The following PSMB7 variants were observed in gnomAD, a reference collection of about 807,000 sequenced individuals.
PSMB7 encodes proteasome subunit beta type-7.
Under a neutral mutation model 28.1 loss-of-function variants are expected in PSMB7, and 5 were observed. The ratio of observed to expected loss-of-function variants is 0.18; its 90% confidence interval spans 0.09 to 0.37. The LOEUF is 0.37. Ranked by LOEUF, PSMB7 falls within the 10% of genes least tolerant of loss-of-function variation. The probability of loss-of-function intolerance (pLI) is 1.00; values close to 1 mark genes in which losing one functional copy is unlikely to be tolerated. For synonymous variants in PSMB7, 122 were observed against 123.7 expected (o/e 0.99, Z 0.09); for missense variants, 275 against 346.2 (o/e 0.79, Z 1.63).
chr9:124,353,497 G>T lies in PSMB7; in HGVS notation c.*101C>A. 1 of 933,846 alleles carries T rather than the reference G, an allele frequency of 1.1e-6. No homozygotes were observed. Among genetic ancestry groups the T allele is most frequent in the Non-Finnish European group, 1.7e-6 (1 of 590,002 alleles). 57.8% of individuals were successfully genotyped at this position (933,846 alleles called of 1,614,324 possible). ...CCCAATTTGGTTTTTGTTTTTTATTGAGTTGAGTTTCATTCGGCAAACACT... is the reference window on the plus strand; with the variant it reads ...CCCAATTTGGTTTTTGTTTTTTATTTAGTTGAGTTTCATTCGGCAAACACT... On this transcript the variant is annotated 3_prime_UTR_variant, in exon 8 of 8. Coordinates refer to ENST00000259457, the MANE Select transcript of PSMB7 (RefSeq NM_002799.4).
intron 3 of PSMB7, 124 bp from the exon 4 acceptor site, chr9:124,412,616 G>A (rs904088848): frequency 2.0e-5 from 19 of 934,858 alleles, no homozygotes; most frequent in Non-Finnish European, 3.0e-5. Flanking sequence ...GTATATCTAT[G>A]CTGTAACTTC....
chr9:124,374,071 T>G (rs1429548942), intron 6 of PSMB7, among the ~76,000 whole-genome samples: 1 of 152,062 alleles, frequency 6.6e-6, no homozygotes, highest in Non-Finnish European at 1.5e-5. Flanking sequence ...CAAAAAGAAA[T>G]AAAATACTGA....
chr9:124,375,688 T>C (rs944133715), intron 6 of PSMB7, among the ~76,000 whole-genome samples: 2 of 152,152 alleles, frequency 1.3e-5, no homozygotes, highest in African/African-American at 4.8e-5. Context: ...AAGAAAATCA[T>C]TGTTTATAAT....
intron 4 of PSMB7, among the ~76,000 whole-genome samples, chr9:124,408,206 C>T (rs1830988202): frequency 6.6e-6 from 1 of 152,072 alleles, no homozygotes; most frequent in Non-Finnish European, 1.5e-5. Context: ...TAAAATTTAA[C>T]AACCATGCTG....
intron 5 of PSMB7, among the ~76,000 whole-genome samples, chr9:124,391,099 A>G (rs1830782812): frequency 6.6e-6 from 1 of 152,256 alleles, no homozygotes; most frequent in African/African-American, 2.4e-5. Flanking sequence ...TGGCAAACAC[A>G]GCACTGAACA....
chr9:124,356,277 TA>T lies in PSMB7; in HGVS notation c.722+486del, dbSNP rs1485994606. ...TGAGCCGAGGGGCCCACTCGGCATG[TA>T]GGCTCAGGCTCAATGGCACAACTCC... is the stretch of plus-strand genomic sequence containing the variant. On this transcript the variant is annotated intron_variant, in intron 7 of 7. Coordinates refer to ENST00000259457, the MANE Select transcript of PSMB7 (RefSeq NM_002799.4). The surrounding 1 kb of genome is among the most constrained non-coding windows in gnomAD (Gnocchi z 4.4). Among the ~76,000 whole-genome samples, 1 of 152,144 alleles carries T rather than the reference TA, an allele frequency of 6.6e-6. No homozygotes were observed. The highest frequency in any genetic ancestry group is 6.5e-5 in the Admixed American group (1 of 15,280).
At chr9:124,396,200 T>A (rs1218963383) in intron 5 of PSMB7, among the ~76,000 whole-genome samples, 1 of 152,236 alleles carries the variant, frequency 6.6e-6, no homozygotes, top group Non-Finnish European at 1.5e-5. Context: ...AATTTGATCC[T>A]GTGCAGGACA....
At chr9:124,362,156 A>G (rs1466406353) in intron 6 of PSMB7, among the ~76,000 whole-genome samples, 1 of 152,276 alleles carries the variant, frequency 6.6e-6, no homozygotes, top group Admixed American at 6.5e-5. Flanking sequence ...AAGTTCATGT[A>G]TATGGCAAGT....
intron 3 of PSMB7, among the ~76,000 whole-genome samples, chr9:124,412,794 G>C (rs116858894): frequency 0.012 from 1,891 of 152,238 alleles, 14 homozygotes; most frequent in Non-Finnish European, 0.02. Flanking sequence ...AGAAGTGCCA[G>C]GTGTGTTAAC....
At chr9:124,402,891 C>T (rs534470774) in intron 5 of PSMB7, among the ~76,000 whole-genome samples, 1 of 152,210 alleles carries the variant, frequency 6.6e-6, no homozygotes, top group African/African-American at 2.4e-5. Flanking sequence ...TGCAAAGATT[C>T]ATCCGTATGG....
At chr9:124,403,067 CAG>C (rs996155399) in intron 5 of PSMB7, among the ~76,000 whole-genome samples, 1 of 152,088 alleles carries the variant, frequency 6.6e-6, no homozygotes, top group Non-Finnish European at 1.5e-5. Context: ...GACACCAAGA[CAG>C]AAAATATTAA....
At chr9:124,414,061 T>C (rs755369609) in intron 2 of PSMB7, 56 bp from the exon 3 acceptor site, 18 of 1,139,128 alleles carry the variant, frequency 1.6e-5, no homozygotes, top group Non-Finnish European at 2.2e-5. Flanking sequence ...ACCGCAACTC[T>C]CTATTCTACT....
intron 6 of PSMB7, among the ~76,000 whole-genome samples, chr9:124,368,145 G>A (rs1830525800): frequency 1.3e-5 from 2 of 152,168 alleles, no homozygotes; most frequent in Non-Finnish European, 2.9e-5. Context: ...AGAAAAAGAA[G>A]GCAGACTTAC....
At chr9:124,374,760 G>T (rs1830592923) in intron 6 of PSMB7, among the ~76,000 whole-genome samples, 1 of 152,088 alleles carries the variant, frequency 6.6e-6, no homozygotes, top group African/African-American at 2.4e-5. Context: ...GGCATTCAAG[G>T]CTACAGTGAG....
At position 124,371,417 on chromosome 9, in the gene PSMB7, C is replaced by T. The variant is rs138192674; in HGVS notation, c.570+13181G>A. 9.9e-4 allele frequency among the ~76,000 whole-genome samples: 151 copies of T among 152,344 alleles called. 1 individual carries two copies. The highest frequency in any genetic ancestry group is 3.4e-3 in the African/African-American group (142 of 41,570). On this transcript the variant is annotated intron_variant, in intron 6 of 7. Transcript: ENST00000259457. ...CTCTTGGATTTCTAACAGAGCCTCA[C>T]TTTTGATGGTGAAATTCGTGCTGGT...
At chr9:124,405,220 T>C in intron 5 of PSMB7, 97 bp downstream of exon 5, 6 of 787,518 alleles carry the variant, frequency 7.6e-6, no homozygotes, top group East Asian at 2.6e-5. Flanking sequence ...AAGCATTGTA[T>C]TGCACCTCCT....
At chr9:124,395,386 G>T (rs547981326) in intron 5 of PSMB7, among the ~76,000 whole-genome samples, 76 of 151,922 alleles carry the variant, frequency 5.0e-4, no homozygotes, top group African/African-American at 1.7e-3. Context: ...CCAACTACTT[G>T]GGAGGCAGAG....
intron 6 of PSMB7, among the ~76,000 whole-genome samples, chr9:124,367,989 A>G (rs906958918): frequency 6.6e-6 from 1 of 152,376 alleles, no homozygotes; most frequent in African/African-American, 2.4e-5. Flanking sequence ...CGGCCATCAT[A>G]CTGCAAATGA....
In PSMB7 at chr9:124,402,605, A is replaced by G. The variant is rs952691055; in HGVS notation, c.511+2712T>C. ...AATGTGTGTGTGAGAGGCAGAACACATGTGTCAAAATGCTAACAACTGACA... is the reference window on the plus strand; with the variant it reads ...AATGTGTGTGTGAGAGGCAGAACACGTGTGTCAAAATGCTAACAACTGACA... On this transcript the variant is annotated intron_variant, in intron 5 of 7. Transcript: ENST00000259457. Among the ~76,000 whole-genome samples, 4 of 152,122 alleles carry G rather than the reference A, an allele frequency of 2.6e-5. No homozygotes were observed. In the South Asian group the frequency reaches 8.3e-4, roughly 31 times the overall value.
Sources: gnomAD v4.1 joint callset for allele counts (sites outside exome capture counted in the v4.1 genomes callset) on GRCh38, gnomAD v4.1.1 for gene constraint, Gnocchi (gnomAD v3.1) non-coding constraint, MANE v1.5 for transcripts, NCBI Gene and HGNC (gene_info 2026-07-23, HGNC 2026-07-21) for gene names.